Variants in CCNJL observed in about 807,000 individuals in gnomAD.
CCNJL encodes the protein cyclin-J-like protein.
In CCNJL, 33 loss-of-function variants were observed where a neutral mutation model predicts 33.4. The ratio of observed to expected loss-of-function variants is 0.99; its 90% CI spans 0.75 to 1.32. CCNJL has a LOEUF of 1.32. Among genes scored for constraint, CCNJL ranks in the 40% most tolerant of loss-of-function variants. The probability of loss-of-function intolerance (pLI) is 0.00; values close to 1 mark genes in which losing one functional copy is unlikely to be tolerated. For missense variants in CCNJL, 512 were observed against 499.7 expected, an observed-to-expected ratio of 1.02 and a Z score of -0.23; for synonymous variants, 227 against 220.9, an observed-to-expected ratio of 1.03 and a Z score of -0.24.
At chr5:160,312,061 G>A (rs1307597901) in intron 1 of CCNJL, 89 bp from the exon 2 acceptor site, 3 of 818,192 alleles carry the variant, frequency 3.7e-6, no homozygotes, top group African/African-American at 1.7e-5. Flanking sequence ...CTGGCCCCGG[G>A]CCCCGGCGGG....
chr5:160,291,590 T>C (rs1331903044), intron 2 of CCNJL, among the ~76,000 whole-genome samples: 1 of 152,212 alleles, frequency 6.6e-6, no homozygotes, highest in East Asian at 1.9e-4. Context: ...GGGCACCTGG[T>C]ATGCCAGCGA....
intron 1 of CCNJL, among the ~76,000 whole-genome samples, chr5:160,338,274 C>T (rs1257835495): frequency 6.6e-6 from 1 of 152,076 alleles, no homozygotes; most frequent in Non-Finnish European, 1.5e-5. Flanking sequence ...GTGGCATGGG[C>T]CTGTAGTCTG....
In CCNJL at chr5:160,249,801, TAAATA is replaced by T. The variant is rs1554115469; in HGVS notation, c.*3572_*3576del. 2.2e-5 allele frequency: 3 copies of T among 138,614 alleles called. No individual in the cohort carries two copies. The highest frequency in any genetic ancestry group is 2.0e-4 in the East Asian group (1 of 5,110). The allele number at this position is 138,614 out of a possible 1,614,324, so 8.6% of individuals were successfully genotyped here. Reference sequence around the variant, plus strand: ...ATAAATAAATAAATAAATAAATAAATAAATAAAATAAAAATTTAAAAAATCAAACT... The same window carrying T: ...ATAAATAAATAAATAAATAAATAAATAAATAAAAATTTAAAAAATCAAACT... On this transcript the variant is annotated 3_prime_UTR_variant, in exon 6 of 6. Coordinates refer to ENST00000257536, the MANE Select transcript of CCNJL (RefSeq NM_001308173.3).
At chr5:160,288,355 T>C (rs971877746) in intron 2 of CCNJL, among the ~76,000 whole-genome samples, 8 of 152,128 alleles carry the variant, frequency 5.3e-5, no homozygotes, top group African/African-American at 1.9e-4. Context: ...CCCACTGTGT[T>C]ACAAGGCCCA....
At chr5:160,289,192 C>T (rs540003600) in intron 2 of CCNJL, among the ~76,000 whole-genome samples, 1 of 152,308 alleles carries the variant, frequency 6.6e-6, no homozygotes, top group East Asian at 1.9e-4. Flanking sequence ...CCGCCAGCAG[C>T]CACTGCACAT....
At chr5:160,277,800 C>T (rs866252708) in intron 3 of CCNJL, among the ~76,000 whole-genome samples, 21 of 146,398 alleles carry the variant, frequency 1.4e-4, no homozygotes, top group Non-Finnish European at 2.5e-4. Flanking sequence ...GCCTGGAGTG[C>T]AATGGCGCCA....
rs62377480 is a variant in CCNJL, at chr5:160,306,668, C to T, written c.66+5190G>A. 9.1e-3 allele frequency among the ~76,000 whole-genome samples: 1,385 copies of T among 152,282 alleles called. 9 individuals carry two copies. Among genetic ancestry groups the T allele is most frequent in the Non-Finnish European group, 0.015 (997 of 68,024 alleles). The stretch of plus-strand genomic sequence containing the variant: ...AGTGGTGTGTGTCTTTGCTTACTAA[C>T]ATAACTATTTCCTTCTAATTGGAGA... On this transcript the variant is annotated intron_variant, in intron 2 of 5. Transcript: ENST00000257536.
At chr5:160,316,992 G>C (rs1245593953), upstream of CCNJL, among the ~76,000 whole-genome samples, 1 of 152,228 alleles carries the variant, frequency 6.6e-6, no homozygotes. Context: ...CATATACTTT[G>C]AATAGTGTTT....
chr5:160,286,496 G>A (rs1762410898), intron 2 of CCNJL, among the ~76,000 whole-genome samples: 1 of 152,124 alleles, frequency 6.6e-6, no homozygotes, highest in Non-Finnish European at 1.5e-5. Flanking sequence ...AAATTAGCTA[G>A]GCATGGTGGT....
chr5:160,316,517 C>G (rs190995515), upstream of CCNJL, among the ~76,000 whole-genome samples: 3 of 152,210 alleles, frequency 2.0e-5, no homozygotes, highest in East Asian at 1.9e-4. Context: ...TTGCACTGAA[C>G]TTTCCTTTTG....
At chr5:160,337,767 T>G (rs1186319379) in intron 1 of CCNJL, among the ~76,000 whole-genome samples, 1 of 152,158 alleles carries the variant, frequency 6.6e-6, no homozygotes, top group Admixed American at 6.5e-5. Flanking sequence ...AATATTTAGT[T>G]GGAAATGAGT....
chr5:160,258,610 A>T (rs1290234610), intron 4 of CCNJL: 1 of 1,287,418 alleles, frequency 7.8e-7, no homozygotes, highest in Non-Finnish European at 1.1e-6. Context: ...AAGTCTGTGG[A>T]TGCAGCTGTT....
At chr5:160,273,606 T>C (rs920635219) in intron 3 of CCNJL, among the ~76,000 whole-genome samples, 7 of 151,254 alleles carry the variant, frequency 4.6e-5, no homozygotes, top group Non-Finnish European at 8.8e-5. Flanking sequence ...CACACAGCTC[T>C]GTGCGTGTTT....
chr5:160,272,598 A>G (rs1175905854), intron 3 of CCNJL, among the ~76,000 whole-genome samples: 1 of 152,202 alleles, frequency 6.6e-6, no homozygotes, highest in Non-Finnish European at 1.5e-5. Context: ...GTTCTTTTAT[A>G]GTTTATTGTT....
intron 1 of CCNJL, among the ~76,000 whole-genome samples, chr5:160,319,601 G>T (rs746384723): frequency 4.1e-4 from 63 of 152,260 alleles, no homozygotes; most frequent in Non-Finnish European, 8.1e-4. Context: ...CCCAGTGCCT[G>T]CAGTAAAGGA....
intron 2 of CCNJL, among the ~76,000 whole-genome samples, chr5:160,293,926 C>T (rs1762668507): frequency 6.6e-6 from 1 of 152,168 alleles, no homozygotes; most frequent in Admixed American, 6.5e-5. Flanking sequence ...AGAGAAACCA[C>T]TCTGCTTTCC....
intron 3 of CCNJL, among the ~76,000 whole-genome samples, chr5:160,271,488 A>C (rs1025790391): frequency 6.6e-6 from 1 of 152,232 alleles, no homozygotes; most frequent in African/African-American, 2.4e-5. Flanking sequence ...CAGCTGTCTG[A>C]CAGGCAGTTT....
chr5:160,277,729 G>A (rs1241371958), intron 3 of CCNJL, among the ~76,000 whole-genome samples: 1 of 150,030 alleles, frequency 6.7e-6, no homozygotes, highest in East Asian at 2.0e-4. Context: ...TCCCATCTCT[G>A]CTTCCTGTCT....
chr5:160,296,097 G>C (rs1580998598), intron 2 of CCNJL, among the ~76,000 whole-genome samples: 2 of 150,450 alleles, frequency 1.3e-5, no homozygotes, highest in African/African-American at 4.9e-5. Flanking sequence ...GCAGTTGGCT[G>C]CTAAAAACAG....
Sources: allele counts gnomAD v4.1 joint callset (sites outside exome capture counted in the v4.1 genomes callset), GRCh38; gene constraint gnomAD v4.1.1; transcripts MANE v1.5; gene names NCBI Gene and HGNC (gene_info 2026-07-23, HGNC 2026-07-21).